Variants in SPECC1L observed in about 807,000 individuals in gnomAD.
SPECC1L encodes the protein sperm antigen with calponin homology and coiled-coil domains 1 like, also known as cytospin-A.
In SPECC1L, 40 loss-of-function variants were observed where a neutral mutation model predicts 116.8. The ratio of observed to expected loss-of-function variants is 0.34; its 90% CI spans 0.27 to 0.45. The LOEUF (loss-of-function observed/expected upper bound fraction) is 0.45. SPECC1L is among the 20% of genes least tolerant of loss of function. The pLI is 1.00. For synonymous variants in SPECC1L, 504 were observed against 500.6 expected, an observed-to-expected ratio of 1.01 and a Z score of -0.09; for missense variants, 1,110 against 1,373.6, an observed-to-expected ratio of 0.81 and a Z score of 3.03.
intron 2 of SPECC1L, among the ~76,000 whole-genome samples, chr22:24,287,421 C>A (rs1322730577): frequency 6.6e-6 from 1 of 152,108 alleles, no homozygotes; most frequent in African/African-American, 2.4e-5. Flanking sequence ...AGGAGGCTGC[C>A]AGAGTTGTCC....
At chr22:24,399,691 T>C (rs926999658) in intron 14 of SPECC1L, among the ~76,000 whole-genome samples, 10 of 152,176 alleles carry the variant, frequency 6.6e-5, no homozygotes, top group African/African-American at 2.4e-4. Flanking sequence ...ACTTTGAGCA[T>C]ATGGGGCAAC....
At chr22:24,384,349 G>A (rs1314915034) in intron 14 of SPECC1L, among the ~76,000 whole-genome samples, 1 of 152,062 alleles carries the variant, frequency 6.6e-6, no homozygotes, top group Non-Finnish European at 1.5e-5. Context: ...GAAAGAAAAA[G>A]GAAGTTCTTG....
At position 24,389,629 on chromosome 22, in the gene SPECC1L, C is replaced by T. The variant is rs372865910; in HGVS notation, c.3087+20309C>T. Among the ~76,000 whole-genome samples the T allele has an allele frequency of 1.8e-3, 268 of 151,748 alleles. 7 individuals are homozygous for T. The South Asian group carries it at 0.054, about 31-fold the overall frequency. On this transcript the variant is annotated intron_variant, in intron 14 of 16. Coordinates refer to ENST00000314328, the MANE Select transcript of SPECC1L (RefSeq NM_015330.6). ...CTTTTTTATTTTCCCTACCCTCTTT[C>T]CTAAGCAAGGAAAAGAAGTACTTAC... is the stretch of plus-strand genomic sequence containing the variant.
chr22:24,307,696 C>A (rs2049528642), intron 3 of SPECC1L, among the ~76,000 whole-genome samples: 1 of 151,556 alleles, frequency 6.6e-6, no homozygotes, highest in African/African-American at 2.4e-5. Flanking sequence ...AAATAGTTGC[C>A]TATATTTTTT....
At chr22:24,333,142 C>A (rs1283314922) in intron 8 of SPECC1L, among the ~76,000 whole-genome samples, 2 of 152,148 alleles carry the variant, frequency 1.3e-5, no homozygotes, top group Non-Finnish European at 2.9e-5. Flanking sequence ...GCAGGAGAAT[C>A]ACTTGAACCT....
At chr22:24,389,586 A>G (rs1322889192) in intron 14 of SPECC1L, among the ~76,000 whole-genome samples, 2 of 150,836 alleles carry the variant, frequency 1.3e-5, no homozygotes, top group African/African-American at 4.9e-5. Flanking sequence ...GTTTCCTAGC[A>G]TGCGTCATTT....
intron 10 of SPECC1L, among the ~76,000 whole-genome samples, chr22:24,343,902 G>A (rs2041233951): frequency 6.6e-6 from 1 of 152,104 alleles, no homozygotes; most frequent in Non-Finnish European, 1.5e-5. Context: ...GAGTATATGG[G>A]ACTTTGCTGT....
chr22:24,383,921 G>A (rs890051466), intron 14 of SPECC1L, among the ~76,000 whole-genome samples: 1 of 148,974 alleles, frequency 6.7e-6, no homozygotes, highest in African/African-American at 2.5e-5. Flanking sequence ...CCAAAGTGCT[G>A]GGATTACAGG....
chr22:24,340,739 T>C (rs907348861), intron 10 of SPECC1L, among the ~76,000 whole-genome samples: 7 of 152,194 alleles, frequency 4.6e-5, no homozygotes, highest in Admixed American at 1.3e-4. Flanking sequence ...CCTAATCGTA[T>C]ATAAAAATCA....
At position 24,416,152 on chromosome 22, in the gene SPECC1L, C is replaced by G. The variant is rs1036206299; in HGVS notation, c.*1529C>G. 6.6e-6 allele frequency: 1 copy of G among 152,194 alleles called. No homozygotes were observed. Among genetic ancestry groups the G allele is most frequent in the Non-Finnish European group, 1.5e-5 (1 of 68,042 alleles). The allele number at this position is 152,194 out of a possible 1,614,324, so 9.4% of individuals were successfully genotyped here. A position where few individuals can be genotyped will look rare whatever the true frequency, so the allele number is the denominator to read the frequency against. On this transcript the variant is annotated 3_prime_UTR_variant, in exon 17 of 17. Transcript: ENST00000314328. The stretch of plus-strand genomic sequence containing the variant: ...CTAGAATAGGAGTTTAACGTGTCTA[C>G]GTAACCTAGAATGTGGTTATTAGGA...
At chr22:24,300,041 A>G (rs1244069043) in intron 2 of SPECC1L, among the ~76,000 whole-genome samples, 2 of 152,218 alleles carry the variant, frequency 1.3e-5, no homozygotes, top group African/African-American at 4.8e-5. Context: ...AAAACAAGAT[A>G]CATGTGCAGA....
chr22:24,397,851 A>G (rs2042397482), intron 14 of SPECC1L, among the ~76,000 whole-genome samples: 1 of 152,032 alleles, frequency 6.6e-6, no homozygotes, highest in Non-Finnish European at 1.5e-5. Context: ...TTACACCAGT[A>G]TGTTATTCAG....
Position 24,302,291 on chromosome 22 carries a change from G to A in SPECC1L, c.60G>A (p.Thr20=), listed in dbSNP as rs761899009. 7.4e-6 allele frequency: 12 copies of A among 1,614,050 alleles called. No individual in the cohort carries two copies. Among genetic ancestry groups the A allele is most frequent in the South Asian group, 4.4e-5 (4 of 91,076 alleles). ...CTAAAGTGTCTGCAATAAGTAAAAC[G>A]CAAACAGCAGAAAAAATTAAACCTG... The part of the protein sequence containing the change: ...SVPKVSAISK[T]QTAEKIKPEN... Residue 20 remains threonine (T), a synonymous_variant, in exon 3 of 17, where the codon ACG becomes ACA. Transcript: ENST00000314328.
At chr22:24,402,696 G>A (rs1263223316) in intron 14 of SPECC1L, among the ~76,000 whole-genome samples, 1 of 152,208 alleles carries the variant, frequency 6.6e-6, no homozygotes, top group African/African-American at 2.4e-5. Flanking sequence ...GGAAGTGGAT[G>A]CTTGCATGTG....
intron 10 of SPECC1L, among the ~76,000 whole-genome samples, chr22:24,346,381 G>A (rs1647419136): frequency 6.6e-6 from 1 of 152,240 alleles, no homozygotes; most frequent in African/African-American, 2.4e-5. Flanking sequence ...CTGTAGTGCT[G>A]CACTGAGATG....
At chr22:24,389,518 G>GTT (rs758077260) in intron 14 of SPECC1L, among the ~76,000 whole-genome samples, 5 of 138,880 alleles carry the variant, frequency 3.6e-5, no homozygotes, top group Non-Finnish European at 3.1e-5. Flanking sequence ...GGGCTTTCGG[G>GTT]TTTTTTTTTT....
At chr22:24,395,307 G>C (rs1055541933) in intron 14 of SPECC1L, among the ~76,000 whole-genome samples, 8 of 152,072 alleles carry the variant, frequency 5.3e-5, no homozygotes, top group Non-Finnish European at 1.0e-4. Context: ...TTCCCAATAC[G>C]ATGTGAGGTA....
At chr22:24,348,315 C>G (rs2041346540) in intron 11 of SPECC1L, among the ~76,000 whole-genome samples, 2 of 152,164 alleles carry the variant, frequency 1.3e-5, no homozygotes, top group Admixed American at 6.5e-5. Context: ...AGTAAGCAGA[C>G]TTGTGAAAAG....
intron 2 of SPECC1L, among the ~76,000 whole-genome samples, chr22:24,291,089 C>T (rs562930943): frequency 2.4e-4 from 37 of 152,116 alleles, no homozygotes; most frequent in African/African-American, 8.4e-4. Flanking sequence ...AATATGATCT[C>T]TACATTTTGA....
Sources: gnomAD v4.1 joint callset for allele counts (sites outside exome capture counted in the v4.1 genomes callset) on GRCh38, gnomAD v4.1.1 for gene constraint, MANE v1.5 for transcripts, NCBI Gene and HGNC (gene_info 2026-07-23, HGNC 2026-07-21) for gene names.